The following SCYL2 variants were observed in gnomAD, a reference collection of about 807,000 sequenced individuals.
SCYL2 encodes SCY1 like pseudokinase 2.
A neutral mutation model predicts 100.4 loss-of-function variants in SCYL2; 36 were observed. The observed-to-expected ratio is 0.36, with a 90% CI of 0.27 to 0.47. The LOEUF (loss-of-function observed/expected upper bound fraction) is 0.47. Among genes scored for constraint, SCYL2 ranks in the 20% least tolerant of loss-of-function variants. The probability of loss-of-function intolerance (pLI) is 1.00; values close to 1 mark genes in which losing one functional copy is unlikely to be tolerated. For synonymous variants in SCYL2, 330 were observed against 359.2 expected (o/e 0.92, Z 0.92); for missense variants, 902 against 1,083.9 (o/e 0.83, Z 2.36).
At chr12:100,291,688 A>G in intron 3 of SCYL2, 28 bp downstream of exon 3, 1 of 1,544,964 alleles carries the variant, frequency 6.5e-7, no homozygotes, top group Non-Finnish European at 8.7e-7. Flanking sequence ...CTTACATAGT[A>G]GACTTCCTGA....
intron 1 of SCYL2, among the ~76,000 whole-genome samples, chr12:100,275,336 G>C (rs1438813494): frequency 6.6e-6 from 1 of 151,840 alleles, no homozygotes; most frequent in Non-Finnish European, 1.5e-5. Flanking sequence ...TGAGTAGCTG[G>C]GACTGCAGAC....
In SCYL2 at chr12:100,339,179, T is replaced by G. The variant is rs1393111650; in HGVS notation, c.*7T>G. 2 of 1,604,616 alleles carry G rather than the reference T, an allele frequency of 1.2e-6. No individual in the cohort carries two copies. The highest frequency in any genetic ancestry group is 1.7e-6 in the Non-Finnish European group (2 of 1,176,136). On this transcript the variant is annotated 3_prime_UTR_variant, in exon 18 of 18. Coordinates refer to ENST00000360820, the MANE Select transcript of SCYL2 (RefSeq NM_017988.6). Reference sequence around the variant, plus strand: ...AAAAGATCTTTTTGGGTGAGGTGTCTTACTTCTATTTTGAAGGATTATTTC... The same window carrying G: ...AAAAGATCTTTTTGGGTGAGGTGTCGTACTTCTATTTTGAAGGATTATTTC...
chr12:100,294,189 G>C (rs1248603958), intron 3 of SCYL2, among the ~76,000 whole-genome samples: 1 of 146,038 alleles, frequency 6.8e-6, no homozygotes, highest in East Asian at 2.1e-4. Flanking sequence ...CGGAAGGGGT[G>C]GCTGGCCAGG....
At chr12:100,309,820 T>A (rs1032905068) in intron 4 of SCYL2, among the ~76,000 whole-genome samples, 17 of 152,198 alleles carry the variant, frequency 1.1e-4, no homozygotes, top group Non-Finnish European at 1.9e-4. Flanking sequence ...GATCATACAC[T>A]GATTCTATTT....
intron 10 of SCYL2, among the ~76,000 whole-genome samples, chr12:100,322,044 C>CA (rs35666642): frequency 0.012 from 805 of 66,188 alleles, 3 homozygotes; most frequent in East Asian, 0.023. Flanking sequence ...CAAGACTCTC[C>CA]AAAAAAAAAA....
chr12:100,337,566 A>T, intron 17 of SCYL2, 60 bp downstream of exon 17: 1 of 1,489,944 alleles, frequency 6.7e-7, no homozygotes, highest in Non-Finnish European at 9.3e-7. Flanking sequence ...GTAAGGTGGT[A>T]TAGAACTTAG....
At chr12:100,314,844 T>G (rs2096346559) in intron 8 of SCYL2, among the ~76,000 whole-genome samples, 1 of 152,238 alleles carries the variant, frequency 6.6e-6, no homozygotes, top group South Asian at 2.1e-4. Context: ...GAGACAGCAG[T>G]TGGATATTAA....
chr12:100,320,062 T>A (rs1324836894), intron 10 of SCYL2, among the ~76,000 whole-genome samples: 1 of 152,200 alleles, frequency 6.6e-6, no homozygotes, highest in Non-Finnish European at 1.5e-5. Flanking sequence ...CAGACACAAT[T>A]TTTGAAAATT....
At chr12:100,277,429 C>T (rs993572836) in intron 1 of SCYL2, among the ~76,000 whole-genome samples, 4 of 152,130 alleles carry the variant, frequency 2.6e-5, no homozygotes, top group Admixed American at 6.6e-5. Flanking sequence ...GCATTTATTT[C>T]GAAGTTCTCT....
At chr12:100,332,991 C>T (rs1395712304) in intron 13 of SCYL2, among the ~76,000 whole-genome samples, 1 of 152,056 alleles carries the variant, frequency 6.6e-6, no homozygotes, top group Non-Finnish European at 1.5e-5. Flanking sequence ...GCTGGGACTA[C>T]AGGTGTGAGC....
intron 2 of SCYL2, among the ~76,000 whole-genome samples, chr12:100,290,391 C>T (rs1235412311): frequency 1.3e-5 from 2 of 152,134 alleles, no homozygotes; most frequent in Non-Finnish European, 2.9e-5. Flanking sequence ...CAGAGACTTA[C>T]TCCTCTAATA....
intron 1 of SCYL2, among the ~76,000 whole-genome samples, chr12:100,270,675 A>G (rs1592922288): frequency 7.2e-6 from 1 of 139,558 alleles, no homozygotes; most frequent in South Asian, 2.2e-4. Flanking sequence ...GGGTCTCACT[A>G]TGTTGCCCAG....
intron 7 of SCYL2, among the ~76,000 whole-genome samples, chr12:100,314,204 G>A (rs988324755): frequency 1.3e-5 from 2 of 151,982 alleles, no homozygotes; most frequent in East Asian, 3.9e-4. Context: ...CTAATAACTG[G>A]TATTTTTATG....
rs773779080 is a variant in SCYL2, at chr12:100,338,916, G to T, written c.2534G>T (p.Gly845Val). Reference sequence around the variant, plus strand: ...ATGTCTGCCCTTAATAATCTCTTTGGCCCTCAGAAACCCAAAGTTAGCATG... The same window carrying T: ...ATGTCTGCCCTTAATAATCTCTTTGTCCCTCAGAAACCCAAAGTTAGCATG... ...TDMSALNNLF[G>V]PQKPKVSMNQ... The change falls in exon 18 of 18, where the codon GGC (glycine) becomes GTC (valine). Residue 845 changes from glycine to valine, a missense_variant. By Grantham distance (109) the Gly-to-Val change is moderately radical. Coordinates refer to ENST00000360820, the MANE Select transcript of SCYL2 (RefSeq NM_017988.6). 3.1e-6 allele frequency: 5 copies of T among 1,613,930 alleles called. No homozygotes were observed. In the African/African-American group the frequency reaches 5.3e-5, roughly 17 times the overall value.
At chr12:100,295,271 A>T (rs1362790471) in intron 3 of SCYL2, among the ~76,000 whole-genome samples, 2 of 149,832 alleles carry the variant, frequency 1.3e-5, no homozygotes, top group African/African-American at 4.9e-5. Context: ...CCAGGCAGAG[A>T]CGCTCCTCAC....
intron 1 of SCYL2, among the ~76,000 whole-genome samples, chr12:100,281,706 C>T (rs146814332): frequency 0.038 from 5,766 of 151,846 alleles, 187 homozygotes; most frequent in Non-Finnish European, 0.05. Context: ...TGGTAGCGGG[C>T]GCCTGTAGTC....
At chr12:100,308,482 T>C (rs188422547) in intron 4 of SCYL2, among the ~76,000 whole-genome samples, 175 of 152,142 alleles carry the variant, frequency 1.2e-3, no homozygotes, top group African/African-American at 4.0e-3. Flanking sequence ...CACTGGGGCC[T>C]GTCCGGGGGT....
intron 3 of SCYL2, among the ~76,000 whole-genome samples, chr12:100,297,827 C>T (rs542909825): frequency 1.3e-5 from 2 of 151,820 alleles, no homozygotes; most frequent in African/African-American, 4.8e-5. Flanking sequence ...GTTTAAAAGA[C>T]CGAGTGATTT....
At chr12:100,270,692 C>G (rs2096286692) in intron 1 of SCYL2, among the ~76,000 whole-genome samples, 1 of 146,576 alleles carries the variant, frequency 6.8e-6, no homozygotes, top group African/African-American at 2.5e-5. Context: ...CCAGGCTGGT[C>G]TCGAACTCCT....
Sources: allele counts gnomAD v4.1 joint callset (sites outside exome capture counted in the v4.1 genomes callset), GRCh38; gene constraint gnomAD v4.1.1; transcripts MANE v1.5; gene names NCBI Gene and HGNC (gene_info 2026-07-23, HGNC 2026-07-21).